Variants in SCUBE1 observed in about 807,000 individuals in gnomAD.
SCUBE1 encodes signal peptide, CUB and EGF-like domain-containing protein 1.
A neutral mutation model predicts 124.4 loss-of-function variants in SCUBE1; 59 were observed. The ratio of observed to expected loss-of-function variants is 0.47; its 90% CI spans 0.38 to 0.59. SCUBE1 has a LOEUF of 0.59. Ranked by LOEUF, SCUBE1 falls within the 20% of genes least tolerant of loss-of-function variation. SCUBE1 has a pLI of 0.00. For missense variants in SCUBE1, 1,150 were observed against 1,371.2 expected (o/e 0.84, Z 2.55); for synonymous variants, 545 against 550.9 (o/e 0.99, Z 0.15).
At position 43,198,798 on chromosome 22, in the gene SCUBE1, G is replaced by C. The variant is rs1327272955; in HGVS notation, c.*5199C>G. ...CAGGCAAGGTGAGCAGGCTGTCCAG[G>C]GCAGCTTGTCTGCTGTCTGGGGCAG... On this transcript the variant is annotated 3_prime_UTR_variant, in exon 22 of 22. Coordinates refer to ENST00000360835, the MANE Select transcript of SCUBE1 (RefSeq NM_173050.5). 6.8e-6 allele frequency: 3 copies of C among 439,200 alleles called. No homozygotes were observed. The East Asian group carries it at 2.1e-4, about 31-fold the overall frequency. 27.2% of individuals were successfully genotyped at this position (439,200 alleles called of 1,614,324 possible).
At chr22:43,314,260 T>C (rs1926265882) in intron 3 of SCUBE1, among the ~76,000 whole-genome samples, 1 of 152,176 alleles carries the variant, frequency 6.6e-6, no homozygotes, top group African/African-American at 2.4e-5. Flanking sequence ...GCAGCACAAT[T>C]TCAAGCAGGT....
In SCUBE1 at chr22:43,214,112, G is replaced by A; in HGVS notation, c.2031C>T (p.Ala677=). ...TGCCTCCACATTCCGACACGTTGCGGGCACCAGGCAGACCAAGCCCGTCGC... is the reference window on the plus strand; with the variant it reads ...TGCCTCCACATTCCGACACGTTGCGAGCACCAGGCAGACCAAGCCCGTCGC... ...PSSDGLGLPG[A]RNVSECGGQC... Residue 677 remains alanine (A), a synonymous_variant, in exon 16 of 22, where the codon GCC becomes GCT. Transcript: ENST00000360835. 6.2e-7 allele frequency: 1 copy of A among 1,608,134 alleles called. No individual in the cohort carries two copies. Among genetic ancestry groups the A allele is most frequent in the Non-Finnish European group, 8.5e-7 (1 of 1,178,314 alleles).
At chr22:43,337,000 G>C (rs1927104641) in intron 2 of SCUBE1, among the ~76,000 whole-genome samples, 1 of 152,048 alleles carries the variant, frequency 6.6e-6, no homozygotes, top group South Asian at 2.1e-4. Flanking sequence ...CATGTGCCAG[G>C]ACAGAGGTGT....
chr22:43,291,829 T>C (rs1925372282), intron 3 of SCUBE1, among the ~76,000 whole-genome samples: 1 of 152,158 alleles, frequency 6.6e-6, no homozygotes, highest in Middle Eastern at 3.2e-3. Flanking sequence ...ACAGCAACCC[T>C]GTAAGTCAGA....
intron 3 of SCUBE1, among the ~76,000 whole-genome samples, chr22:43,296,545 C>T (rs1255499024): frequency 2.6e-5 from 4 of 152,232 alleles, no homozygotes; most frequent in African/African-American, 9.6e-5. Context: ...CTGGGGCAGA[C>T]TCTAGGAGGC....
At chr22:43,233,351 T>C (rs553750936) in intron 7 of SCUBE1, 2 of 151,876 alleles carry the variant, frequency 1.3e-5, no homozygotes, top group Non-Finnish European at 2.9e-5. Flanking sequence ...GCAACAAGAG[T>C]AAAACTCCAT....
At chr22:43,259,563 G>GCACTCTTC (rs1446877877) in intron 5 of SCUBE1, among the ~76,000 whole-genome samples, 1 of 152,182 alleles carries the variant, frequency 6.6e-6, no homozygotes, top group East Asian at 1.9e-4. Context: ...TGACTTCTCC[G>GCACTCTTC]CACTCTTCCT....
At chr22:43,291,307 G>T in intron 3 of SCUBE1, 127 bp from the exon 4 acceptor site, 6 of 998,472 alleles carry the variant, frequency 6.0e-6, no homozygotes, top group South Asian at 1.5e-5. Flanking sequence ...CTCCAGAGAG[G>T]GCCTCCCTGG....
intron 3 of SCUBE1, among the ~76,000 whole-genome samples, chr22:43,299,745 A>G (rs1455304765): frequency 6.6e-6 from 1 of 152,152 alleles, no homozygotes; most frequent in African/African-American, 2.4e-5. Context: ...GAATATTTCC[A>G]TCATGCCAGA....
At chr22:43,338,954 C>G (rs956325411) in intron 2 of SCUBE1, 150 bp downstream of exon 2, 10 of 897,780 alleles carry the variant, frequency 1.1e-5, no homozygotes, top group Middle Eastern at 2.9e-4. Context: ...CTGCCTCCCT[C>G]CTGAGGCTGA....
intron 15 of SCUBE1, among the ~76,000 whole-genome samples, chr22:43,215,767 C>T (rs990816021): frequency 2.2e-4 from 33 of 152,126 alleles, no homozygotes; most frequent in African/African-American, 7.7e-4. Flanking sequence ...CCTGAAGACA[C>T]AGTGGAGGGT....
At chr22:43,319,862 C>T (rs959366226) in intron 3 of SCUBE1, 75 bp downstream of exon 3, 95 of 1,560,784 alleles carry the variant, frequency 6.1e-5, no homozygotes, top group South Asian at 2.0e-4. Context: ...CTTCTCATGG[C>T]TCCCAACTCT....
At chr22:43,228,723 G>A (rs1438094358) in intron 9 of SCUBE1, among the ~76,000 whole-genome samples, 1 of 152,092 alleles carries the variant, frequency 6.6e-6, no homozygotes, top group African/African-American at 2.4e-5. Context: ...CCTCTCTGCT[G>A]TGAGCCTCCC....
At chr22:43,280,417 C>T (rs1319852565) in intron 4 of SCUBE1, among the ~76,000 whole-genome samples, 1 of 135,248 alleles carries the variant, frequency 7.4e-6, no homozygotes, top group African/African-American at 3.2e-5. Context: ...CTCACCCATC[C>T]TCCTGTCCCT....
At chr22:43,330,094 G>A (rs941514250) in intron 2 of SCUBE1, among the ~76,000 whole-genome samples, 1 of 151,708 alleles carries the variant, frequency 6.6e-6, no homozygotes, top group Non-Finnish European at 1.5e-5. Flanking sequence ...AGATACTGGT[G>A]CAGCCTTCAA....
intron 1 of SCUBE1, among the ~76,000 whole-genome samples, chr22:43,342,955 A>C (rs1313913240): frequency 0.024 from 1,844 of 77,412 alleles, no homozygotes; most frequent in South Asian, 0.04. Context: ...CGGCCCACCC[A>C]CCCCTGGTGC....
chr22:43,299,972 G>A (rs985626704), intron 3 of SCUBE1, among the ~76,000 whole-genome samples: 4 of 152,242 alleles, frequency 2.6e-5, no homozygotes, highest in East Asian at 1.9e-4. Context: ...TCCCTTTTAC[G>A]GCTGAACAGT....
intron 6 of SCUBE1, among the ~76,000 whole-genome samples, chr22:43,251,948 A>G (rs53724): frequency 0.19 from 29,363 of 152,136 alleles, 3,323 homozygotes; most frequent in Non-Finnish European, 0.26. Flanking sequence ...CCGGGGCCTG[A>G]GGTAAGCTCC....
In SCUBE1 at chr22:43,198,598, T is replaced by C. The variant is rs1470928731; in HGVS notation, c.*5399A>G. ...CTCATTACATCCTCTGCCCTTGGCC[T>C]GAATGATGTCGGCTCGGCATGGACA... On this transcript the variant is annotated 3_prime_UTR_variant, in exon 22 of 22. Transcript: ENST00000360835. 4.4e-6 allele frequency: 2 copies of C among 456,678 alleles called. No individual in the cohort carries two copies. The highest frequency in any genetic ancestry group is 4.0e-5 in the African/African-American group (2 of 50,098). The allele number at this position is 456,678 out of a possible 1,614,324, so 28.3% of individuals were successfully genotyped here.
Sources: allele counts gnomAD v4.1 joint callset (sites outside exome capture counted in the v4.1 genomes callset), GRCh38; gene constraint gnomAD v4.1.1; transcripts MANE v1.5; gene names NCBI Gene and HGNC (gene_info 2026-07-23, HGNC 2026-07-21).